The following ANKS1B variants were observed in gnomAD, a reference collection of about 807,000 sequenced individuals.
ANKS1B encodes the protein ankyrin repeat and sterile alpha motif domain containing 1B.
Under a neutral mutation model 148.3 loss-of-function variants are expected in ANKS1B, and 36 were observed. That is an observed-to-expected ratio of 0.24 (90% CI 0.19 to 0.32). ANKS1B has a LOEUF of 0.32. ANKS1B is among the 10% of genes least tolerant of loss of function. The pLI is 1.00. For missense variants in ANKS1B, 1,157 were observed against 1,542.6 expected (o/e 0.75, Z 4.19); for synonymous variants, 542 against 560.8 (o/e 0.97, Z 0.47).
chr12:99,291,503 A>G (rs1471411260), intron 12 of ANKS1B, among the ~76,000 whole-genome samples: 1 of 152,176 alleles, frequency 6.6e-6, no homozygotes, highest in Non-Finnish European at 1.5e-5. Flanking sequence ...TACTACAGAA[A>G]TATTGTAACA....
At position 98,950,189 on chromosome 12, in the gene ANKS1B, A is replaced by G. The variant is rs79258378; in HGVS notation, c.2778+102968T>C. 8.4e-3 allele frequency among the ~76,000 whole-genome samples: 1,277 copies of G among 152,342 alleles called. 16 individuals carry two copies. The highest frequency in any genetic ancestry group is 0.029 in the African/African-American group (1,196 of 41,586). On this transcript the variant is annotated intron_variant, in intron 17 of 26. Coordinates refer to ENST00000683438, the MANE Select transcript of ANKS1B (RefSeq NM_001352186.2). ...CATAATGACGCATTGAAGGATGTCT[A>G]TTACAATCATAAGAAACAGCAAAGT...
chr12:99,510,348 C>A (rs1315042579), intron 9 of ANKS1B, among the ~76,000 whole-genome samples: 1 of 151,936 alleles, frequency 6.6e-6, no homozygotes, highest in Non-Finnish European at 1.5e-5. Context: ...AAAACCTAGA[C>A]AAGATTTTCC....
intron 12 of ANKS1B, among the ~76,000 whole-genome samples, chr12:99,258,102 T>C (rs1290623389): frequency 1.3e-5 from 2 of 152,274 alleles, no homozygotes; most frequent in Non-Finnish European, 2.9e-5. Context: ...CAATTTCACT[T>C]CAAAAAAACC....
intron 9 of ANKS1B, among the ~76,000 whole-genome samples, chr12:99,639,684 G>A (rs2098281638): frequency 6.6e-6 from 1 of 152,118 alleles, no homozygotes; most frequent in Non-Finnish European, 1.5e-5. Context: ...TTCCCCCTTT[G>A]CTCGGCACTT....
At chr12:99,656,293 G>C (rs1289292760) in intron 8 of ANKS1B, among the ~76,000 whole-genome samples, 1 of 152,028 alleles carries the variant, frequency 6.6e-6, no homozygotes, top group Non-Finnish European at 1.5e-5. Flanking sequence ...TGTAGAAACA[G>C]ACCTCCTAAG....
chr12:99,653,998 C>T (rs1293680236), intron 9 of ANKS1B, among the ~76,000 whole-genome samples: 1 of 152,124 alleles, frequency 6.6e-6, no homozygotes, highest in Non-Finnish European at 1.5e-5. Flanking sequence ...ACGCGTTAGA[C>T]TGCAGATGCT....
chr12:98,975,754 C>T (rs996624594), intron 17 of ANKS1B, among the ~76,000 whole-genome samples: 1 of 151,962 alleles, frequency 6.6e-6, no homozygotes, highest in Non-Finnish European at 1.5e-5. Flanking sequence ...AACAAATATT[C>T]AGACTGAGAT....
At chr12:99,717,789 C>A (rs915937033) in intron 8 of ANKS1B, among the ~76,000 whole-genome samples, 1 of 84,798 alleles carries the variant, frequency 1.2e-5, no homozygotes, top group Admixed American at 1.2e-4. Context: ...CTCCACATTA[C>A]CTTCTTTTCA....
intron 12 of ANKS1B, among the ~76,000 whole-genome samples, chr12:99,358,942 T>C (rs541184881): frequency 6.6e-6 from 1 of 152,160 alleles, no homozygotes; most frequent in African/African-American, 2.4e-5. Flanking sequence ...CAGCCACTGG[T>C]ACAGCCATGG....
At position 99,266,339 on chromosome 12, in the gene ANKS1B, C is replaced by T. The variant is rs375723797; in HGVS notation, c.1757-19475G>A. Among the ~76,000 whole-genome samples the T allele has an allele frequency of 3.3e-4, 50 of 152,222 alleles. No homozygotes were observed. In the South Asian group the frequency reaches 9.1e-3, roughly 28 times the overall value. ...GTCTCTGATATGCAGAAAATGATGG[C>T]TAACATTTATTGGATCTTTATTACG... On this transcript the variant is annotated intron_variant, in intron 12 of 26. Coordinates refer to ENST00000683438, the MANE Select transcript of ANKS1B (RefSeq NM_001352186.2).
chr12:99,023,463 TTCTTCCTCCTCCTCCTGC>T (rs879777752), intron 17 of ANKS1B, among the ~76,000 whole-genome samples: 5 of 152,060 alleles, frequency 3.3e-5, no homozygotes, highest in South Asian at 2.1e-4. Flanking sequence ...AAGGTTCTTC[TTCTTCCTCCTCCTCCTGC>T]TCTTCCTCCT....
intron 10 of ANKS1B, among the ~76,000 whole-genome samples, chr12:99,471,672 A>G (rs996842640): frequency 6.6e-6 from 1 of 151,962 alleles, no homozygotes; most frequent in Non-Finnish European, 1.5e-5. Flanking sequence ...ACACACACAT[A>G]CACACGCTCT....
chr12:99,054,867 G>C (rs556646003), intron 16 of ANKS1B, among the ~76,000 whole-genome samples: 1 of 152,342 alleles, frequency 6.6e-6, no homozygotes, highest in Non-Finnish European at 1.5e-5. Flanking sequence ...CTATTTTAAA[G>C]TTAGAGTACA....
intron 1 of ANKS1B, among the ~76,000 whole-genome samples, chr12:99,847,015 A>G (rs1227864261): frequency 6.6e-6 from 1 of 152,108 alleles, no homozygotes; most frequent in Non-Finnish European, 1.5e-5. Flanking sequence ...CTCAGAAAGC[A>G]ACACCCTAAA....
intron 17 of ANKS1B, among the ~76,000 whole-genome samples, chr12:98,865,647 G>A (rs201387): frequency 0.22 from 32,841 of 152,008 alleles, 4,158 homozygotes; most frequent in East Asian, 0.5. Flanking sequence ...CGACGTGTGT[G>A]TTGGTGGGGA....
intron 17 of ANKS1B, among the ~76,000 whole-genome samples, chr12:98,985,270 T>G (rs2153233659): frequency 6.6e-6 from 1 of 152,198 alleles, no homozygotes; most frequent in South Asian, 2.1e-4. Context: ...GTACCACTGC[T>G]CCTGGCTAAT....
At chr12:99,871,251 T>G (rs2091474615) in intron 1 of ANKS1B, among the ~76,000 whole-genome samples, 1 of 152,174 alleles carries the variant, frequency 6.6e-6, no homozygotes, top group Non-Finnish European at 1.5e-5. Flanking sequence ...GGTTCTCTAT[T>G]CTGTCCCATT....
intron 1 of ANKS1B, among the ~76,000 whole-genome samples, chr12:99,860,215 T>C (rs368745418): frequency 6.6e-4 from 100 of 152,236 alleles, no homozygotes; most frequent in Non-Finnish European, 6.5e-4. Context: ...CACAGAGCAA[T>C]TATGCCCACA....
intron 12 of ANKS1B, among the ~76,000 whole-genome samples, chr12:99,258,037 G>T (rs557800138): frequency 8.5e-5 from 13 of 152,266 alleles, no homozygotes; most frequent in African/African-American, 3.1e-4. Context: ...AGAGTACCTA[G>T]ACTGACATAA....
Sources: allele counts gnomAD v4.1 joint callset (sites outside exome capture counted in the v4.1 genomes callset), GRCh38; gene constraint gnomAD v4.1.1; transcripts MANE v1.5; gene names NCBI Gene and HGNC (gene_info 2026-07-23, HGNC 2026-07-21).